MTMR14: variants seen among roughly 807,000 people sequenced by gnomAD.
The protein encoded by MTMR14 is myotubularin related protein 14, also known as phosphatidylinositol-3,5-bisphosphate 3-phosphatase MTMR14.
A neutral mutation model predicts 86.3 loss-of-function variants in MTMR14; 48 were observed. The observed-to-expected ratio is 0.56, with a 90% CI of 0.44 to 0.71. MTMR14 has a LOEUF of 0.71. MTMR14 is among the 30% of genes least tolerant of loss of function. The pLI is 0.00. For synonymous variants in MTMR14, 366 were observed against 326.1 expected, an observed-to-expected ratio of 1.12 and a Z score of -1.32; for missense variants, 780 against 834.6, an observed-to-expected ratio of 0.93 and a Z score of 0.81.
intron 7 of MTMR14, chr3:9,675,616 C>T (rs1481088984): frequency 1.3e-5 from 6 of 457,434 alleles, no homozygotes; most frequent in Non-Finnish European, 2.6e-5. Flanking sequence ...TGGCACTTCT[C>T]ATCCTGCTTT....
intron 17 of MTMR14, among the ~76,000 whole-genome samples, chr3:9,694,861 G>A (rs542440199): frequency 4.6e-5 from 7 of 152,218 alleles, no homozygotes; most frequent in African/African-American, 9.7e-5. Flanking sequence ...CTGCAGCTCT[G>A]GGTGCTGTGA....
chr3:9,684,449 C>T, intron 10 of MTMR14, 136 bp from the exon 11 acceptor site: 1 of 814,538 alleles, frequency 1.2e-6, no homozygotes, highest in African/African-American at 1.7e-5. Flanking sequence ...TGGAGAAGAG[C>T]CATGGGGAGG....
chr3:9,688,161 C>T (rs1316043556), intron 14 of MTMR14, among the ~76,000 whole-genome samples: 1 of 152,144 alleles, frequency 6.6e-6, no homozygotes. Context: ...CTCTCATGAC[C>T]AAGAAAACAG....
In MTMR14 at chr3:9,653,712, A is replaced by G; in HGVS notation, c.251A>G (p.His84Arg). 4 of 1,614,182 alleles carry G rather than the reference A, an allele frequency of 2.5e-6. No individual in the cohort carries two copies. The highest frequency in any genetic ancestry group is 1.1e-5 in the South Asian group (1 of 91,084). The change falls in exon 2 of 19, where the codon CAC becomes CGC. Residue 84 changes from histidine to arginine, a missense_variant. Transcript: ENST00000296003. ...IPNTNGDICG[H>R]YPRHIVFLEY... is the part of the protein sequence containing the mutation. The stretch of plus-strand genomic sequence containing the variant: ...AACACGAATGGGGATATCTGTGGCC[A>G]CTATCCCCGGCACATCGTGTTCCTG...
intron 17 of MTMR14, among the ~76,000 whole-genome samples, chr3:9,690,725 G>C (rs1022037563): frequency 2.0e-5 from 3 of 152,224 alleles, no homozygotes; most frequent in African/African-American, 7.2e-5. Flanking sequence ...ATTGAGGGCT[G>C]GTCTGGCACT....
chr3:9,686,531 C>T (rs1433982284), intron 13 of MTMR14, among the ~76,000 whole-genome samples: 1 of 152,226 alleles, frequency 6.6e-6, no homozygotes, highest in Non-Finnish European at 1.5e-5. Context: ...AAGCAAAAAA[C>T]CCCAGGCCTA....
intron 7 of MTMR14, among the ~76,000 whole-genome samples, chr3:9,673,262 C>T (rs1225396271): frequency 6.6e-6 from 1 of 152,216 alleles, no homozygotes; most frequent in Non-Finnish European, 1.5e-5. Context: ...GGTAGAAGAA[C>T]ACATAATTGC....
intron 1 of MTMR14, 34 bp downstream of exon 1, chr3:9,649,776 T>G (rs773317744): frequency 6.8e-6 from 11 of 1,611,286 alleles, no homozygotes; most frequent in South Asian, 1.1e-5. Flanking sequence ...TGGGGAAGGC[T>G]CCTAACTTGG....
chr3:9,666,176 C>G (rs1335745346), intron 3 of MTMR14, among the ~76,000 whole-genome samples: 1 of 147,738 alleles, frequency 6.8e-6, no homozygotes, highest in Non-Finnish European at 1.5e-5. Flanking sequence ...CTCCGTTGCC[C>G]AAGCTGGAGT....
chr3:9,672,618 T>C, intron 6 of MTMR14, 67 bp from the exon 7 acceptor site: 1 of 1,349,062 alleles, frequency 7.4e-7, no homozygotes, highest in Non-Finnish European at 1.1e-6. Flanking sequence ...ATAACCCTTA[T>C]TTGGGGAATG....
At chr3:9,674,808 TTTTG>T (rs1254013779) in intron 7 of MTMR14, among the ~76,000 whole-genome samples, 5 of 152,040 alleles carry the variant, frequency 3.3e-5, no homozygotes, top group African/African-American at 1.2e-4. Flanking sequence ...CCAAAGCTTT[TTTTG>T]TTATAAAAGG....
At chr3:9,668,608 C>T in intron 3 of MTMR14, 111 bp from the exon 4 acceptor site, 2 of 1,111,750 alleles carry the variant, frequency 1.8e-6, no homozygotes, top group Non-Finnish European at 2.7e-6. Context: ...TTGGGGAGTG[C>T]TCCTGGGCCC....
At chr3:9,696,047 G>A (rs1051871539) in intron 17 of MTMR14, among the ~76,000 whole-genome samples, 1 of 152,208 alleles carries the variant, frequency 6.6e-6, no homozygotes, top group African/African-American at 2.4e-5. Context: ...CTGCCATCAC[G>A]CACCTTCTAG....
intron 16 of MTMR14, 145 bp downstream of exon 16, chr3:9,689,227 T>G: frequency 7.6e-7 from 1 of 1,311,682 alleles, no homozygotes; most frequent in South Asian, 1.3e-5. Flanking sequence ...CTGTCTCTAC[T>G]GGGCCTCAGA....
At chr3:9,659,172 G>T (rs557889330) in intron 2 of MTMR14, among the ~76,000 whole-genome samples, 7 of 152,122 alleles carry the variant, frequency 4.6e-5, no homozygotes, top group African/African-American at 7.2e-5. Context: ...GAGGTCAGCT[G>T]CAGTGAACCA....
intron 17 of MTMR14, among the ~76,000 whole-genome samples, chr3:9,692,472 T>C (rs2076165635): frequency 6.6e-6 from 1 of 152,230 alleles, no homozygotes; most frequent in Admixed American, 6.5e-5. Flanking sequence ...GGACCATTGT[T>C]AAATCTCTCA....
At chr3:9,660,524 G>A (rs2047869836) in intron 2 of MTMR14, among the ~76,000 whole-genome samples, 1 of 152,076 alleles carries the variant, frequency 6.6e-6, no homozygotes, top group Non-Finnish European at 1.5e-5. Context: ...GCCTCCCAAA[G>A]TGCTAGGATT....
At chr3:9,653,428 TC>T (rs2047422240) in intron 1 of MTMR14, among the ~76,000 whole-genome samples, 192 bp from the exon 2 acceptor site, 2 of 152,070 alleles carry the variant, frequency 1.3e-5, no homozygotes, top group African/African-American at 4.8e-5. Flanking sequence ...TAAGAATCCT[TC>T]CTGAAGTATA....
intron 9 of MTMR14, among the ~76,000 whole-genome samples, chr3:9,678,525 A>G (rs1476484508): frequency 6.6e-6 from 1 of 152,154 alleles, no homozygotes; most frequent in African/African-American, 2.4e-5. Flanking sequence ...ACATCTCTCT[A>G]CCCTTAGCCC....
Sources: allele counts gnomAD v4.1 joint callset (sites outside exome capture counted in the v4.1 genomes callset), GRCh38; gene constraint gnomAD v4.1.1; transcripts MANE v1.5; gene names NCBI Gene and HGNC (gene_info 2026-07-23, HGNC 2026-07-21).